CPS1: variants seen among roughly 807,000 people sequenced by gnomAD.
CPS1 encodes carbamoyl-phosphate synthase [ammonia], mitochondrial.
Under a neutral mutation model 174.6 loss-of-function variants are expected in CPS1, and 109 were observed. That is an observed-to-expected ratio of 0.62 (90% CI 0.53 to 0.73). The LOEUF is 0.73. Among genes scored for constraint, CPS1 ranks in the 30% least tolerant of loss-of-function variants. The pLI, the probability that CPS1 is intolerant of heterozygous loss-of-function variation, is 0.00. For missense variants in CPS1, 1,689 were observed against 1,821.9 expected, an observed-to-expected ratio of 0.93 and a Z score of 1.33; for synonymous variants, 637 against 632.0, an observed-to-expected ratio of 1.01 and a Z score of -0.12.
chr2:210,486,856 T>G (rs2105946642), intron 1 of CPS1, among the ~76,000 whole-genome samples: 1 of 151,710 alleles, frequency 6.6e-6, no homozygotes, highest in South Asian at 2.1e-4. Context: ...TTGCTCAATC[T>G]GCCTTCCTCA....
At chr2:210,651,866 T>G (rs943600916) in intron 28 of CPS1, among the ~76,000 whole-genome samples, 3 of 152,204 alleles carry the variant, frequency 2.0e-5, no homozygotes, top group African/African-American at 7.2e-5. Context: ...GGCATTGTTC[T>G]CAGTATCAGG....
Position 210,594,611 on chromosome 2 carries a change from G to A in CPS1, c.1263+5G>A, listed in dbSNP as rs1275489342. 1 of 1,600,726 alleles carries A rather than the reference G, an allele frequency of 6.2e-7. No individual in the cohort carries two copies. The highest frequency in any genetic ancestry group is 8.6e-7 in the Non-Finnish European group (1 of 1,168,782). ...CTAGTTGCATCTCGGGTTGAGGTCA[G>A]TATGTGGGCTTATTTTTGGTTTATG... On this transcript the variant is annotated splice_donor_5th_base_variant and intron_variant, in intron 12 of 37. Transcript: ENST00000233072.
At chr2:210,518,321 A>G (rs557858250) in intron 1 of CPS1, among the ~76,000 whole-genome samples, 116 of 152,104 alleles carry the variant, frequency 7.6e-4, no homozygotes, top group Non-Finnish European at 1.5e-3. Context: ...TTATTGCTCA[A>G]TATCTGTTCT....
rs1698454263 is a variant in CPS1 at position 210,595,499 on chromosome 2, C to T, written c.1276C>T (p.Leu426Phe). 1 of 1,610,522 alleles carries T rather than the reference C, an allele frequency of 6.2e-7. No homozygotes were observed. The highest frequency in any genetic ancestry group is 8.5e-7 in the Non-Finnish European group (1 of 1,177,636). Residue 426 changes from leucine (L) to phenylalanine (F), a missense_variant, in exon 13 of 38, where the codon CTT becomes TTT. Leu to Phe is a conservative substitution (Grantham distance 22). Coordinates refer to ENST00000233072, the MANE Select transcript of CPS1 (RefSeq NM_001875.5). ...TTATTGCTTATAGGTTTCCAAAGTC[C>T]TTATTCTAGGATCAGGAGGTCTGTC... ...VASRVEVSKV[L>F]ILGSGGLSIG... is the part of the protein sequence containing the mutation.
chr2:210,609,088 A>T (rs544079937), intron 19 of CPS1, among the ~76,000 whole-genome samples: 1 of 152,080 alleles, frequency 6.6e-6, no homozygotes, highest in South Asian at 2.1e-4. Flanking sequence ...CTAAATTGAT[A>T]TGAGCATAGT....
chr2:210,486,145 CACACACACACACA>C (rs1559731066), intron 1 of CPS1, among the ~76,000 whole-genome samples: 6 of 129,426 alleles, frequency 4.6e-5, no homozygotes, highest in African/African-American at 1.8e-4. Flanking sequence ...CACACACACA[CACACACACACACA>C]CCCTGTATAT....
In CPS1 at chr2:210,648,556, G is replaced by A; in HGVS notation, c.3404+16G>A. The A allele has an allele frequency of 6.2e-7, 1 of 1,607,976 alleles. No individual in the cohort carries two copies. ...ATGTTTTGAGGTAACACTGTATATT[G>A]TTTTCCAAAACAATGATTCAAAAAT... On this transcript the variant is annotated intron_variant, in intron 27 of 37. Coordinates refer to ENST00000233072, the MANE Select transcript of CPS1 (RefSeq NM_001875.5).
chr2:210,647,662 A>C (rs915790900), intron 25 of CPS1, among the ~76,000 whole-genome samples: 2 of 152,236 alleles, frequency 1.3e-5, no homozygotes, highest in African/African-American at 4.8e-5. Context: ...ACTTGTATGG[A>C]AATCTTGCAC....
intron 1 of CPS1, among the ~76,000 whole-genome samples, chr2:210,494,200 T>A (rs1194760399): frequency 6.6e-6 from 1 of 152,104 alleles, no homozygotes; most frequent in Non-Finnish European, 1.5e-5. Flanking sequence ...AAAAAATGGG[T>A]TTGTATAATT....
chr2:210,499,203 C>G (rs1016859571), intron 1 of CPS1, among the ~76,000 whole-genome samples: 4 of 152,066 alleles, frequency 2.6e-5, no homozygotes, highest in African/African-American at 7.2e-5. Context: ...GGTTGCTAGT[C>G]AATGTCACCA....
chr2:210,647,122 G>A (rs1337651918), intron 25 of CPS1, among the ~76,000 whole-genome samples: 1 of 152,072 alleles, frequency 6.6e-6, no homozygotes, highest in Non-Finnish European at 1.5e-5. Context: ...CCAAGGAGAG[G>A]GGAAGGTGGA....
At chr2:210,577,687 C>A (rs1697760109) in intron 4 of CPS1, among the ~76,000 whole-genome samples, 177 bp downstream of exon 4, 1 of 152,118 alleles carries the variant, frequency 6.6e-6, no homozygotes, top group Admixed American at 6.6e-5. Flanking sequence ...TCCTTAAATG[C>A]TGATGAGCAC....
intron 1 of CPS1, among the ~76,000 whole-genome samples, chr2:210,528,189 G>A (rs1157113616): frequency 1.3e-5 from 2 of 151,760 alleles, no homozygotes; most frequent in African/African-American, 2.4e-5. Flanking sequence ...ATGATCTTGA[G>A]GCACATTTTA....
chr2:210,605,196 G>A lies in CPS1; in HGVS notation c.1931G>A (p.Cys644Tyr). 1 of 1,612,292 alleles carries A rather than the reference G, an allele frequency of 6.2e-7. No homozygotes were observed. Among genetic ancestry groups the A allele is most frequent in the Non-Finnish European group, 8.5e-7 (1 of 1,178,850 alleles). ...YEVVRDADDN[C>Y]VTVCNMENVD... ...GTGGTTCGAGATGCTGATGACAATT[G>A]TGTCACTGTCTGTAACATGGAAAAT... is the stretch of plus-strand genomic sequence containing the variant. Residue 644 changes from cysteine to tyrosine, a missense_variant, in exon 17 of 38, where the codon TGT becomes TAT. Cys to Tyr is a radical substitution (Grantham distance 194, BLOSUM62 -2). Transcript: ENST00000233072.
rs779631719 is a variant in CPS1 at position 210,675,749 on chromosome 2, T to A, written c.4183T>A (p.Ser1395Thr). The A allele has an allele frequency of 1.9e-6, 3 of 1,599,836 alleles. No individual in the cohort carries two copies. In the South Asian group the frequency reaches 3.3e-5, roughly 18 times the overall value. ...GCAGCTGTTTGCCACGGAAGCCACA[T>A]CAGACTGGCTCAACGCCAACAATGT... ...GFKLFATEAT[S>T]DWLNANNVPA... Residue 1395 changes from serine to threonine, a missense_variant, in exon 36 of 38, where the codon TCA becomes ACA. Physicochemically the swap from Ser to Thr is moderately conservative, Grantham distance 58 (BLOSUM62 1). Transcript: ENST00000233072.
chr2:210,491,707 G>A (rs1039257795), intron 1 of CPS1, among the ~76,000 whole-genome samples: 1 of 152,060 alleles, frequency 6.6e-6, no homozygotes, highest in African/African-American at 2.4e-5. Flanking sequence ...CTACCTCTTG[G>A]CCCCTAAGAA....
chr2:210,600,040 T>G (rs1198384692), intron 14 of CPS1, among the ~76,000 whole-genome samples: 2 of 151,952 alleles, frequency 1.3e-5, no homozygotes, highest in Non-Finnish European at 2.9e-5. Flanking sequence ...TCTTCAAATC[T>G]TTGGAACTGG....
chr2:210,546,770 T>A (rs1166400799), intron 1 of CPS1, among the ~76,000 whole-genome samples: 1 of 152,166 alleles, frequency 6.6e-6, no homozygotes, highest in Non-Finnish European at 1.5e-5. Flanking sequence ...CTATTGGCTG[T>A]GTGTTAAGCC....
At chr2:210,494,289 A>G (rs1454945212) in intron 1 of CPS1, among the ~76,000 whole-genome samples, 2 of 152,248 alleles carry the variant, frequency 1.3e-5, no homozygotes, top group East Asian at 1.9e-4. Context: ...GCATAGATGC[A>G]AACATATTTT....
Sources: allele counts gnomAD v4.1 joint callset (sites outside exome capture counted in the v4.1 genomes callset), GRCh38; gene constraint gnomAD v4.1.1; transcripts MANE v1.5; gene names NCBI Gene and HGNC (gene_info 2026-07-23, HGNC 2026-07-21).